Variants in GRAMD2B observed in about 807,000 individuals in gnomAD.
GRAMD2B encodes the protein GRAM domain containing 2B.
In GRAMD2B, 41 loss-of-function variants were observed where a neutral mutation model predicts 59.2. The ratio of observed to expected loss-of-function variants is 0.69; its 90% CI spans 0.54 to 0.90. The LOEUF is 0.90. Among genes scored for constraint, GRAMD2B ranks in the 40% least tolerant of loss-of-function variants. The probability of loss-of-function intolerance (pLI) is 0.00; values close to 1 mark genes in which losing one functional copy is unlikely to be tolerated. For missense variants in GRAMD2B, 424 were observed against 500.5 expected (o/e 0.85, Z 1.46); for synonymous variants, 161 against 182.7 (o/e 0.88, Z 0.96).
chr5:126,411,472 C>T (rs1386495165), intron 1 of GRAMD2B, among the ~76,000 whole-genome samples: 1 of 151,936 alleles, frequency 6.6e-6, no homozygotes, highest in Non-Finnish European at 1.5e-5. Flanking sequence ...GTGTCTGTTT[C>T]TGTACCAGTA....
upstream of GRAMD2B, among the ~76,000 whole-genome samples, chr5:126,367,676 GA>G (rs1400792489): frequency 1.3e-5 from 2 of 152,106 alleles, no homozygotes; most frequent in African/African-American, 4.8e-5. Flanking sequence ...ATTGAAGAAA[GA>G]AAAAACTCTT....
chr5:126,378,109 A>T lies in GRAMD2B; in HGVS notation c.125+6542A>T, dbSNP rs73332424. ...TAAGGCACAAACCCGAAGTAATACT[A>T]AAAACACCCACTGCATTTGTGTATG... is the stretch of plus-strand genomic sequence containing the variant. On this transcript the variant is annotated intron_variant, in intron 1 of 8. Coordinates refer to the GRAMD2B transcript ENST00000506445. Among the ~76,000 whole-genome samples, 611 of 152,306 alleles carry T rather than the reference A, an allele frequency of 4.0e-3. 2 individuals are homozygous for T. Among genetic ancestry groups the T allele is most frequent in the African/African-American group, 0.014 (567 of 41,558 alleles).
At chr5:126,451,890 G>T (rs10076001) in intron 1 of GRAMD2B, among the ~76,000 whole-genome samples, 77,711 of 151,640 alleles carry the variant, frequency 0.51, 21,295 homozygotes, top group Non-Finnish European at 0.61. Flanking sequence ...CTGGTTTTTT[G>T]AAAGAGTCTT....
rs1769970918 is a variant in GRAMD2B at position 126,473,286 on chromosome 5, A to G, written c.404A>G (p.Lys135Arg). ...CCAGGCTTTACCTGTGCTCTACAGA[A>G]AGAAATACTATACCAAGGAAAGCTC... is the stretch of plus-strand genomic sequence containing the variant. ...LKQSFTCALQ[K>R]EILYQGKLFV... Residue 135 changes from lysine to arginine, a missense_variant, in exon 5 of 14, where the codon AAA becomes AGA. Physicochemically the swap from Lys to Arg is conservative, Grantham distance 26. Transcript: ENST00000285689. 2 of 1,480,042 alleles carry G rather than the reference A, an allele frequency of 1.4e-6. No homozygotes were observed. The highest frequency in any genetic ancestry group is 2.4e-5 in the East Asian group (1 of 41,930). The allele number at this position is 1,480,042 out of a possible 1,614,324, so 91.7% of individuals were successfully genotyped here.
chr5:126,393,745 T>C (rs1207921315), intron 1 of GRAMD2B, among the ~76,000 whole-genome samples: 3 of 152,142 alleles, frequency 2.0e-5, no homozygotes, highest in Admixed American at 2.0e-4. Context: ...AAGAATAAAA[T>C]GGTTCTCCCT....
intron 1 of GRAMD2B, among the ~76,000 whole-genome samples, chr5:126,406,691 C>T (rs1758295639): frequency 6.6e-6 from 1 of 151,994 alleles, no homozygotes; most frequent in African/African-American, 2.4e-5. Flanking sequence ...ATACCCAAGG[C>T]TTTAAAGAAT....
chr5:126,444,027 G>A (rs1483056155), intron 1 of GRAMD2B, among the ~76,000 whole-genome samples: 9 of 151,936 alleles, frequency 5.9e-5, no homozygotes, highest in African/African-American at 1.9e-4. Context: ...CCACCAGCCT[G>A]GGCAAGAAGA....
chr5:126,486,157 A>G (rs1325868983), intron 11 of GRAMD2B, among the ~76,000 whole-genome samples: 4 of 152,222 alleles, frequency 2.6e-5, no homozygotes, highest in Non-Finnish European at 2.9e-5. Flanking sequence ...GATCCGGGTA[A>G]TTAGCATATC....
At chr5:126,365,401 C>CA (rs1159626553) in intron 1 of GRAMD2B, among the ~76,000 whole-genome samples, 4 of 152,172 alleles carry the variant, frequency 2.6e-5, no homozygotes, top group Non-Finnish European at 4.4e-5. Flanking sequence ...TAAAATCAAA[C>CA]AAAGGCAGAA....
At chr5:126,394,284 A>G (rs987159220) in intron 1 of GRAMD2B, among the ~76,000 whole-genome samples, 3 of 152,184 alleles carry the variant, frequency 2.0e-5, no homozygotes, top group Admixed American at 6.5e-5. Flanking sequence ...CAAAAAAAAA[A>G]AAAAGAAAAG....
At chr5:126,381,593 T>C (rs1157992798) in intron 1 of GRAMD2B, among the ~76,000 whole-genome samples, 3 of 152,226 alleles carry the variant, frequency 2.0e-5, no homozygotes, top group Non-Finnish European at 4.4e-5. Context: ...ATGTGTTAGG[T>C]GAGTCTCTTA....
intron 1 of GRAMD2B, among the ~76,000 whole-genome samples, chr5:126,453,390 A>T (rs1765717609): frequency 6.6e-6 from 1 of 152,068 alleles, no homozygotes; most frequent in Non-Finnish European, 1.5e-5. Context: ...GAAATTCAAA[A>T]AAATGCTTAA....
chr5:126,423,830 T>TA (rs1208424721), intron 1 of GRAMD2B, 141 bp downstream of exon 1: 6 of 630,090 alleles, frequency 9.5e-6, no homozygotes, highest in Non-Finnish European at 1.6e-5. Context: ...TCTCTGTCTC[T>TA]CACTCTCTCT....
At chr5:126,375,454 T>C (rs1755097094) in intron 1 of GRAMD2B, among the ~76,000 whole-genome samples, 1 of 152,006 alleles carries the variant, frequency 6.6e-6, no homozygotes, top group South Asian at 2.1e-4. Context: ...CTGCAAGCTC[T>C]GCCTTCCTGG....
chr5:126,459,778 T>C (rs1325859992), intron 1 of GRAMD2B, among the ~76,000 whole-genome samples: 2 of 152,222 alleles, frequency 1.3e-5, no homozygotes, highest in African/African-American at 4.8e-5. Flanking sequence ...CTTCAAAATA[T>C]AAATATTTTT....
In GRAMD2B at chr5:126,450,625, C is replaced by T. The variant is rs932375979; in HGVS notation, c.84-14801C>T. On this transcript the variant is annotated intron_variant, in intron 1 of 13. Transcript: ENST00000285689. ...CTGTCCTAGAAGATAACCTCTAAAACCAGTGACAGTCCATCCAGCCTGCTG... is the reference window on the plus strand; with the variant it reads ...CTGTCCTAGAAGATAACCTCTAAAATCAGTGACAGTCCATCCAGCCTGCTG... 9.3e-5 allele frequency among the ~76,000 whole-genome samples: 13 copies of T among 139,514 alleles called. 2 individuals are homozygous for T. In the East Asian group the frequency reaches 2.1e-3, roughly 22 times the overall value. 91.5% of individuals were successfully genotyped at this position (139,514 alleles called of 152,430 possible).
intron 1 of GRAMD2B, among the ~76,000 whole-genome samples, chr5:126,411,937 T>C (rs556083349): frequency 3.9e-5 from 6 of 152,032 alleles, no homozygotes; most frequent in Admixed American, 2.6e-4. Context: ...ATAGAAATGC[T>C]ACTGATTTTT....
chr5:126,465,402 G>T, intron 1 of GRAMD2B, 24 bp from the exon 2 acceptor site: 1 of 1,613,916 alleles, frequency 6.2e-7, no homozygotes, highest in Non-Finnish European at 8.5e-7. Flanking sequence ...TGTCTAAAGT[G>T]AAGCGGTTTC....
intron 1 of GRAMD2B, among the ~76,000 whole-genome samples, chr5:126,462,741 G>T (rs962726354): frequency 5.3e-5 from 8 of 152,138 alleles, no homozygotes; most frequent in African/African-American, 1.9e-4. Flanking sequence ...TAATTAATTA[G>T]ATGCCTAGTG....
Sources: allele counts gnomAD v4.1 joint callset (sites outside exome capture counted in the v4.1 genomes callset), GRCh38; gene constraint gnomAD v4.1.1; transcripts MANE v1.5; gene names NCBI Gene and HGNC (gene_info 2026-07-23, HGNC 2026-07-21).